LUZP2: variants seen among roughly 807,000 people sequenced by gnomAD.
The protein encoded by LUZP2 is leucine zipper protein 2.
In LUZP2, 52 loss-of-function variants were observed where a neutral mutation model predicts 51.6. The observed-to-expected ratio is 1.01, with a 90% CI of 0.81 to 1.27. The LOEUF (loss-of-function observed/expected upper bound fraction) is 1.27. LUZP2 is among the 50% of genes most tolerant of loss of function. LUZP2 has a pLI of 0.00. For missense variants in LUZP2, 436 were observed against 395.4 expected, an observed-to-expected ratio of 1.10 and a Z score of -0.87; for synonymous variants, 154 against 137.3, an observed-to-expected ratio of 1.12 and a Z score of -0.85.
At chr11:24,966,472 C>T (rs1027322046) in intron 7 of LUZP2, among the ~76,000 whole-genome samples, 4 of 150,264 alleles carry the variant, frequency 2.7e-5, no homozygotes, top group African/African-American at 9.7e-5. Flanking sequence ...ATTTGTCTAT[C>T]TCAAAGTCAC....
At chr11:24,594,557 A>G (rs1055628869) in intron 1 of LUZP2, among the ~76,000 whole-genome samples, 1 of 152,126 alleles carries the variant, frequency 6.6e-6, no homozygotes, top group African/African-American at 2.4e-5. Flanking sequence ...CTCTTACTTA[A>G]CATACCTTGG....
chr11:25,075,883 G>C (rs1026557439), intron 10 of LUZP2, among the ~76,000 whole-genome samples: 4 of 152,058 alleles, frequency 2.6e-5, no homozygotes, highest in African/African-American at 7.2e-5. Flanking sequence ...CTTCCACTCA[G>C]AATTTTTAGA....
At chr11:24,511,537 T>A (rs1850312088) in intron 1 of LUZP2, among the ~76,000 whole-genome samples, 2 of 152,162 alleles carry the variant, frequency 1.3e-5, no homozygotes, top group South Asian at 4.1e-4. Context: ...AACTAGGGAA[T>A]AGCACTAAAA....
At chr11:24,892,255 G>C in intron 5 of LUZP2, 3 of 985,368 alleles carry the variant, frequency 3.0e-6, no homozygotes, top group Non-Finnish European at 3.6e-6. Context: ...TCCTGATGTG[G>C]CTGTGAACTG....
intron 9 of LUZP2, among the ~76,000 whole-genome samples, chr11:25,009,185 T>C (rs1333675315): frequency 6.6e-6 from 1 of 152,198 alleles, no homozygotes; most frequent in Non-Finnish European, 1.5e-5. Context: ...CAGAGGACAT[T>C]GCTATGTTAA....
chr11:25,021,853 C>G (rs1442526446), intron 9 of LUZP2, among the ~76,000 whole-genome samples: 1 of 152,000 alleles, frequency 6.6e-6, no homozygotes, highest in African/African-American at 2.4e-5. Flanking sequence ...AGATATGAAG[C>G]TACTACCCTC....
At chr11:24,849,693 A>G (rs1227274145) in intron 5 of LUZP2, among the ~76,000 whole-genome samples, 2 of 152,194 alleles carry the variant, frequency 1.3e-5, no homozygotes, top group Non-Finnish European at 2.9e-5. Context: ...TCCTTGAGGA[A>G]TCACCATGCT....
At chr11:24,570,525 A>T (rs1852398985) in intron 1 of LUZP2, among the ~76,000 whole-genome samples, 1 of 151,994 alleles carries the variant, frequency 6.6e-6, no homozygotes, top group Admixed American at 6.6e-5. Flanking sequence ...CTGATTTTTT[A>T]AATTGGGAAA....
intron 5 of LUZP2, among the ~76,000 whole-genome samples, chr11:24,826,323 T>C (rs908586924): frequency 3.3e-5 from 5 of 151,152 alleles, no homozygotes; most frequent in African/African-American, 1.2e-4. Context: ...GACTATGATA[T>C]GGTAGTTGTG....
At chr11:24,694,777 T>C in intron 1 of LUZP2, among the ~76,000 whole-genome samples, 1 of 152,068 alleles carries the variant, frequency 6.6e-6, no homozygotes, top group East Asian at 1.9e-4. Context: ...TTCAGGGACA[T>C]GGATGAAGCT....
At chr11:24,800,673 G>A (rs1258063265) in intron 5 of LUZP2, among the ~76,000 whole-genome samples, 1 of 152,022 alleles carries the variant, frequency 6.6e-6, no homozygotes, top group Non-Finnish European at 1.5e-5. Context: ...ATGGGAGACT[G>A]AGCAGCGCTG....
intron 5 of LUZP2, among the ~76,000 whole-genome samples, chr11:24,854,809 A>G (rs1469584512): frequency 6.6e-6 from 1 of 152,192 alleles, no homozygotes; most frequent in Non-Finnish European, 1.5e-5. Flanking sequence ...GCCCATGGGA[A>G]AAACATAATA....
At chr11:24,608,797 C>T (rs1037131190) in intron 1 of LUZP2, among the ~76,000 whole-genome samples, 33 of 152,080 alleles carry the variant, frequency 2.2e-4, no homozygotes, top group African/African-American at 6.5e-4. Flanking sequence ...CAGTATGATA[C>T]AATTATCTTC....
intron 1 of LUZP2, among the ~76,000 whole-genome samples, chr11:24,728,633 T>C (rs142675331): frequency 1.4e-3 from 212 of 152,140 alleles, no homozygotes; most frequent in African/African-American, 5.0e-3. Context: ...AATTCCCAAT[T>C]ATCACTTAAC....
chr11:24,718,346 G>T (rs559595829), intron 1 of LUZP2, among the ~76,000 whole-genome samples: 1 of 152,296 alleles, frequency 6.6e-6, no homozygotes, highest in African/African-American at 2.4e-5. Flanking sequence ...CAAAAAGCTC[G>T]ACCACTCTGG....
intron 5 of LUZP2, among the ~76,000 whole-genome samples, chr11:24,854,439 C>T (rs958647814): frequency 1.3e-5 from 2 of 152,242 alleles, no homozygotes; most frequent in African/African-American, 4.8e-5. Context: ...AAACCACCTA[C>T]TCAAGCTTCA....
In LUZP2 at chr11:24,840,603, C is replaced by T. The variant is rs573492100; in HGVS notation, c.397-65388C>T. On this transcript the variant is annotated intron_variant, in intron 5 of 11. Coordinates refer to ENST00000336930, the MANE Select transcript of LUZP2 (RefSeq NM_001009909.4). ...CTGCCCTAGAGATTCTGATCCATAGCTCTACTGAAAAAGTGAATTGGAATA... is the reference window on the plus strand; with the variant it reads ...CTGCCCTAGAGATTCTGATCCATAGTTCTACTGAAAAAGTGAATTGGAATA... 1.2e-3 allele frequency among the ~76,000 whole-genome samples: 186 copies of T among 151,940 alleles called. 1 individual carries two copies. The highest frequency in any genetic ancestry group is 2.2e-3 in the Non-Finnish European group (148 of 67,854).
At chr11:24,888,468 G>A (rs1283839288) in intron 5 of LUZP2, among the ~76,000 whole-genome samples, 2 of 151,818 alleles carry the variant, frequency 1.3e-5, no homozygotes, top group African/African-American at 4.8e-5. Flanking sequence ...GATATTTTAA[G>A]TTTCCAGTCA....
intron 9 of LUZP2, among the ~76,000 whole-genome samples, chr11:25,010,010 G>A (rs911917592): frequency 6.6e-6 from 1 of 152,076 alleles, no homozygotes; most frequent in African/African-American, 2.4e-5. Flanking sequence ...TAAAAATACA[G>A]TAAATTATGA....
Sources: allele counts gnomAD v4.1 joint callset (sites outside exome capture counted in the v4.1 genomes callset), GRCh38; gene constraint gnomAD v4.1.1; transcripts MANE v1.5; gene names NCBI Gene and HGNC (gene_info 2026-07-23, HGNC 2026-07-21).